Variants in SYNE1 observed in about 807,000 individuals in gnomAD.
The protein encoded by SYNE1 is nesprin-1.
Under a neutral mutation model 1,111.0 loss-of-function variants are expected in SYNE1, and 616 were observed. That is an observed-to-expected ratio of 0.55 (90% CI 0.52 to 0.59). SYNE1 has a LOEUF of 0.59. Among genes scored for constraint, SYNE1 ranks in the 20% least tolerant of loss-of-function variants. SYNE1 has a pLI of 0.00. For synonymous variants in SYNE1, 3,855 were observed against 3,825.8 expected (o/e 1.01, Z -0.28); for missense variants, 10,006 against 10,417.0 (o/e 0.96, Z 1.72).
intron 36 of SYNE1, among the ~76,000 whole-genome samples, chr6:152,429,768 A>G (rs2098411084): frequency 6.6e-6 from 1 of 152,188 alleles, no homozygotes; most frequent in Non-Finnish European, 1.5e-5. Context: ...GAAGACAGCT[A>G]TACACATATA....
chr6:152,362,361 GA>G lies in SYNE1; in HGVS notation c.10146-39del, dbSNP rs759212821. The G allele has an allele frequency of 3.9e-5, 63 of 1,613,652 alleles. 1 individual carries two copies. The highest frequency in any genetic ancestry group is 5.2e-5 in the Non-Finnish European group (61 of 1,179,796). ...TGAAAGGACAATAAATCCACATTGA[GA>G]ATCCTTAGGAGTCTAAAATGTCATT... On this transcript the variant is annotated intron_variant, in intron 63 of 145. Coordinates refer to ENST00000367255, the MANE Select transcript of SYNE1 (RefSeq NM_182961.4).
At chr6:152,390,532 G>A (rs1277412715) in intron 52 of SYNE1, 80 bp from the exon 53 acceptor site, 4 of 1,417,994 alleles carry the variant, frequency 2.8e-6, no homozygotes, top group Non-Finnish European at 3.9e-6. Context: ...TTTTCCATAA[G>A]AATTGAAGTA....
Position 152,574,897 on chromosome 6 carries a change from T to TTTTG in SYNE1, c.68-34880_68-34877dup, listed in dbSNP as rs144878689. On this transcript the variant is annotated intron_variant, in intron 3 of 145. Transcript: ENST00000367255. ...TTAGCTGTTTTTGGTTTGTTTTTTG[T>TTTTG]TTTGTTTGTTTGTTTTTAATTTTGT... 2.0e-4 allele frequency among the ~76,000 whole-genome samples: 30 copies of TTTTG among 152,280 alleles called. No individual in the cohort carries two copies. In the East Asian group the frequency reaches 5.6e-3, roughly 28 times the overall value.
intron 18 of SYNE1, among the ~76,000 whole-genome samples, chr6:152,463,875 G>A (rs1161426210): frequency 6.6e-6 from 1 of 152,112 alleles, no homozygotes; most frequent in South Asian, 2.1e-4. Context: ...CATATAAAAG[G>A]CATAATACAT....
chr6:152,220,723 G>A (rs1383004591), intron 119 of SYNE1, 119 bp downstream of exon 119: 2 of 932,488 alleles, frequency 2.1e-6, no homozygotes, highest in African/African-American at 3.2e-5. Flanking sequence ...TCCTAAGACA[G>A]TTATTTTTGG....
intron 101 of SYNE1, among the ~76,000 whole-genome samples, chr6:152,260,053 G>A (rs2153640521): frequency 6.6e-6 from 1 of 152,276 alleles, no homozygotes; most frequent in Non-Finnish European, 1.5e-5. Flanking sequence ...AGCAGCTCTT[G>A]AAGATGAAAG....
At position 152,396,979 on chromosome 6, in the gene SYNE1, T is replaced by C; in HGVS notation, c.7352A>G (p.Asn2451Ser). 6.2e-7 allele frequency: 1 copy of C among 1,614,166 alleles called. No homozygotes were observed. The change falls in exon 50 of 146, where the codon AAC becomes AGC. Residue 2451 changes from asparagine (N) to serine (S), a missense_variant and splice_region_variant. By Grantham distance (46) the Asn-to-Ser change is conservative. Around this residue, in one of 7 missense-constraint regions of SYNE1, gnomAD observed 4,955 missense variants for 5,017.2 expected, o/e 0.99. Coordinates refer to ENST00000367255, the MANE Select transcript of SYNE1 (RefSeq NM_182961.4). Reference sequence around the variant, plus strand: ...CCCATCACTGACTGAGTCCAAAATGTTCTGTTTCAGGAAATAAAGGTAATA... The same window carrying C: ...CCCATCACTGACTGAGTCCAAAATGCTCTGTTTCAGGAAATAAAGGTAATA... Reference protein sequence around the residue: ...VLEAKLHDLQNILDSVSDGQS... With the variant: ...VLEAKLHDLQSILDSVSDGQS...
In SYNE1 at chr6:152,284,162, T is replaced by A. The variant is rs1378078188; in HGVS notation, c.18023A>T (p.Asp6008Val). ...TTCATCCTGGAGCATGAGAATCTCATCCATCAATGCCTGGAGGAAAGACTG... is the reference window on the plus strand; with the variant it reads ...TTCATCCTGGAGCATGAGAATCTCAACCATCAATGCCTGGAGGAAAGACTG... The part of the protein sequence containing the change: ...SQMAEHQALM[D>V]EILMLQDEIN... The change falls in exon 96 of 146, where the codon GAT (aspartate) becomes GTT (valine). Residue 6008 changes from aspartate to valine, a missense_variant. Around this residue, in one of 7 missense-constraint regions of SYNE1, gnomAD observed 4,955 missense variants for 5,017.2 expected, o/e 0.99. Transcript: ENST00000367255. 5 of 1,614,132 alleles carry A rather than the reference T, an allele frequency of 3.1e-6. No homozygotes were observed. The East Asian group carries it at 1.1e-4, about 36-fold the overall frequency.
intron 49 of SYNE1, 119 bp downstream of exon 49, chr6:152,398,500 T>A (rs1481303219): frequency 1.2e-6 from 1 of 821,002 alleles, no homozygotes; most frequent in East Asian, 2.6e-5. Context: ...AGCCTAATTC[T>A]GTTAGGGACG....
chr6:152,294,279 A>G (rs1375066292), intron 93 of SYNE1, 152 bp from the exon 94 acceptor site: 1 of 791,318 alleles, frequency 1.3e-6, no homozygotes, highest in African/African-American at 1.7e-5. Context: ...TCTTGTGACA[A>G]GAAAAATGTA....
chr6:152,352,165 AC>A lies in SYNE1; in HGVS notation c.11441del (p.Gly3814ValfsTer4). On this transcript the variant is annotated frameshift_variant, in exon 70 of 146. Coordinates refer to ENST00000367255, the MANE Select transcript of SYNE1 (RefSeq NM_182961.4). LOFTEE classifies it high-confidence loss of function. ...VRKEHMTLEK[G>X]LHLAKEFSDK... ...CTGAGAATTCCTTTGCTAAATGAAG[AC>A]CTTTTTCCAGCGTCATGTGTTCTTT... 6.2e-7 allele frequency: 1 copy of A among 1,614,146 alleles called. No individual in the cohort carries two copies. The highest frequency in any genetic ancestry group is 8.5e-7 in the Non-Finnish European group (1 of 1,180,026).
chr6:152,495,401 T>C (rs2098993778), intron 11 of SYNE1, among the ~76,000 whole-genome samples: 1 of 152,230 alleles, frequency 6.6e-6, no homozygotes. Context: ...CAATCCCCAT[T>C]ACAACTTCTA....
chr6:152,182,067 C>T (rs1269420867), intron 128 of SYNE1, among the ~76,000 whole-genome samples: 2 of 152,208 alleles, frequency 1.3e-5, no homozygotes, highest in Admixed American at 1.3e-4. Flanking sequence ...GAATTATCTA[C>T]TCAAATCCGT....
Position 152,385,770 on chromosome 6 carries a change from GAACT to G in SYNE1, c.8552_8555del (p.Glu2851AlafsTer35), listed in dbSNP as rs780422100. 1 of 1,614,056 alleles carries G rather than the reference GAACT, an allele frequency of 6.2e-7. No homozygotes were observed. The highest frequency in any genetic ancestry group is 1.1e-5 in the South Asian group (1 of 91,066). On this transcript the variant is annotated frameshift_variant, in exon 55 of 146. Transcript: ENST00000367255. LOFTEE classifies it high-confidence loss of function. ...CCTTTGCTGAATGGAGCCAATCTGT[GAACT>G]CGTGGACCGCATCTAAATACATTAG...
In SYNE1 at chr6:152,458,738, T is replaced by C. The variant is rs1234370382; in HGVS notation, c.2568+19A>G. 6.2e-7 allele frequency: 1 copy of C among 1,613,382 alleles called. No homozygotes were observed. The highest frequency in any genetic ancestry group is 8.5e-7 in the Non-Finnish European group (1 of 1,179,324). On this transcript the variant is annotated intron_variant, in intron 22 of 145. Coordinates refer to ENST00000367255, the MANE Select transcript of SYNE1 (RefSeq NM_182961.4). ...CACATGCTTTAGAATAATTGTCTCC[T>C]GAAAAGGATTGTTCTCACCTGATGT...
At chr6:152,460,908 G>C (rs970679839) in intron 21 of SYNE1, among the ~76,000 whole-genome samples, 2 of 146,810 alleles carry the variant, frequency 1.4e-5, no homozygotes, top group African/African-American at 5.0e-5. Context: ...TGCCTCCCGG[G>C]TTCAAGTGAT....
intron 8 of SYNE1, among the ~76,000 whole-genome samples, chr6:152,509,381 C>T (rs368041847): frequency 4.6e-5 from 7 of 151,472 alleles, no homozygotes; most frequent in Admixed American, 2.0e-4. Flanking sequence ...CTCAGCCTCC[C>T]GAGTAGCTGG....
rs767028640 is a variant in SYNE1, at chr6:152,483,230, T to C, written c.1205A>G (p.Gln402Arg). The change falls in exon 14 of 146, where the codon CAG becomes CGG. Residue 402 changes from glutamine (Q) to arginine (R), a missense_variant. Gln to Arg is a conservative substitution (Grantham distance 43, BLOSUM62 1). Around this residue, in one of 7 missense-constraint regions of SYNE1, gnomAD observed 1,971 missense variants for 2,084.1 expected, o/e 0.95. Transcript: ENST00000367255. ...VTSRLFDWHI[Q>R]LDKSLPAPLG... Reference sequence around the variant, plus strand: ...AGGTGCAGGAAGAGATTTATCAAGCTGTATATGCCAGTCAAAGAGCTAAAA... The same window carrying C: ...AGGTGCAGGAAGAGATTTATCAAGCCGTATATGCCAGTCAAAGAGCTAAAA... The C allele has an allele frequency of 6.2e-7, 1 of 1,614,168 alleles. No individual in the cohort carries two copies. The highest frequency in any genetic ancestry group is 8.5e-7 in the Non-Finnish European group (1 of 1,180,004).
intron 130 of SYNE1, chr6:152,167,851 C>A (rs758483205): frequency 1.5e-6 from 1 of 661,690 alleles, no homozygotes; most frequent in Non-Finnish European, 2.9e-6. Context: ...ATGACGCATA[C>A]GGTCCAGAGA....
Sources: gnomAD v4.1 joint callset for allele counts (sites outside exome capture counted in the v4.1 genomes callset) on GRCh38, gnomAD v4.1.1 for gene constraint, gnomAD v4.1.1 regional missense constraint, MANE v1.5 for transcripts, NCBI Gene and HGNC (gene_info 2026-07-23, HGNC 2026-07-21) for gene names.